The following CEP85L variants were observed in gnomAD, a reference collection of about 807,000 sequenced individuals.
CEP85L encodes the protein centrosomal protein 85L.
CEP85L carries 60 observed loss-of-function variants against 100.3 expected under a neutral mutation model. The observed-to-expected ratio is 0.60, with a 90% CI of 0.49 to 0.74. The LOEUF is 0.74. Ranked by LOEUF, CEP85L falls within the 30% of genes least tolerant of loss-of-function variation. The probability of loss-of-function intolerance (pLI) is 0.00; values close to 1 mark genes in which losing one functional copy is unlikely to be tolerated. For missense variants in CEP85L, 973 were observed against 936.2 expected, an observed-to-expected ratio of 1.04 and a Z score of -0.51; for synonymous variants, 319 against 322.7, an observed-to-expected ratio of 0.99 and a Z score of 0.12.
chr6:118,501,862 C>G, intron 5 of CEP85L: 1 of 1,294,568 alleles, frequency 7.7e-7, no homozygotes, highest in South Asian at 1.3e-5. Flanking sequence ...CACAAGCCTT[C>G]AAGAGTCCCA....
chr6:118,491,209 AC>A, intron 6 of CEP85L, among the ~76,000 whole-genome samples: 1 of 128,506 alleles, frequency 7.8e-6, no homozygotes, highest in Admixed American at 7.2e-5. Context: ...ACACACACAC[AC>A]ACACACACAC....
intron 2 of CEP85L, among the ~76,000 whole-genome samples, chr6:118,595,492 C>G (rs561597321): frequency 6.6e-6 from 1 of 152,268 alleles, no homozygotes; most frequent in African/African-American, 2.4e-5. Flanking sequence ...TAATCCTCTC[C>G]TCCATGTTTA....
chr6:118,557,537 C>CA (rs1486584385), intron 3 of CEP85L, among the ~76,000 whole-genome samples: 1 of 152,110 alleles, frequency 6.6e-6, no homozygotes, highest in African/African-American at 2.4e-5. Context: ...AAACAGTGCA[C>CA]ATTAGGTTCA....
chr6:118,484,052 G>A (rs1582885495), intron 6 of CEP85L, among the ~76,000 whole-genome samples, 194 bp from the exon 7 acceptor site: 1 of 152,330 alleles, frequency 6.6e-6, no homozygotes, highest in East Asian at 1.9e-4. Context: ...GCTCATGCCT[G>A]TAATCCCAGC....
At chr6:118,617,000 C>G (rs1027248655) in intron 2 of CEP85L, among the ~76,000 whole-genome samples, 1 of 149,350 alleles carries the variant, frequency 6.7e-6, no homozygotes, top group Non-Finnish European at 1.5e-5. Flanking sequence ...GAGTTCAAGA[C>G]CAGCCTGGGC....
chr6:118,494,446 G>A (rs1301083817), intron 5 of CEP85L, among the ~76,000 whole-genome samples: 1 of 152,146 alleles, frequency 6.6e-6, no homozygotes, highest in Admixed American at 6.6e-5. Flanking sequence ...AGAGCTTAAC[G>A]TAGTTGGGGT....
At chr6:118,481,602 A>C (rs1228539837) in intron 8 of CEP85L, among the ~76,000 whole-genome samples, 177 bp downstream of exon 8, 1 of 152,152 alleles carries the variant, frequency 6.6e-6, no homozygotes, top group Non-Finnish European at 1.5e-5. Context: ...CAAAAGCTGA[A>C]AAAAATCTTA....
chr6:118,651,605 C>A, upstream of CEP85L: 1 of 1,034,626 alleles, frequency 9.7e-7, no homozygotes, highest in Non-Finnish European at 1.2e-6. Context: ...CCCCCTCCGC[C>A]GGCAGAGCCA....
chr6:118,545,311 T>C (rs937353679), intron 3 of CEP85L, among the ~76,000 whole-genome samples: 7 of 152,116 alleles, frequency 4.6e-5, no homozygotes, highest in African/African-American at 1.7e-4. Flanking sequence ...GTAATATAGC[T>C]GGGCGCGGTG....
At chr6:118,638,285 CA>C (rs994810596) in intron 1 of CEP85L, among the ~76,000 whole-genome samples, 1 of 151,416 alleles carries the variant, frequency 6.6e-6, no homozygotes, top group Non-Finnish European at 1.5e-5. Context: ...AACCTTTAAA[CA>C]TAACTATGTC....
intron 2 of CEP85L, among the ~76,000 whole-genome samples, chr6:118,596,791 T>C (rs1781478899): frequency 6.6e-6 from 1 of 152,264 alleles, no homozygotes; most frequent in Admixed American, 6.5e-5. Context: ...TCCTGTTATT[T>C]ATTGTAAGTC....
chr6:118,558,853 A>G (rs1224853114), intron 3 of CEP85L: 2 of 1,121,940 alleles, frequency 1.8e-6, no homozygotes, highest in Middle Eastern at 1.9e-4. Context: ...GTTATCTCAT[A>G]TTTGGCTGCC....
Position 118,527,002 on chromosome 6 carries a change from C to CTTTTTTTTTTTTTTTT in CEP85L, c.1021-3098_1021-3083dup, listed in dbSNP as rs764883723. On this transcript the variant is annotated intron_variant, in intron 3 of 12. Transcript: ENST00000368491. ...CCACTGTTTCATTCCTTTACTTTTT[C>CTTTTTTTTTTTTTTTT]TTTTTTTTTTTTTTTTTTTTTTTTT... Among the ~76,000 whole-genome samples the CTTTTTTTTTTTTTTTT allele has an allele frequency of 1.3e-4, 13 of 98,732 alleles. 1 individual carries two copies. The highest frequency in any genetic ancestry group is 4.2e-4 in the South Asian group (1 of 2,408). 64.8% of individuals were successfully genotyped at this position (98,732 alleles called of 152,430 possible). A position where few individuals can be genotyped will look rare whatever the true frequency, so the allele number is the denominator to read the frequency against.
chr6:118,599,618 A>G lies in CEP85L; in HGVS notation c.232+32835T>C, dbSNP rs556606136. 3.3e-5 allele frequency among the ~76,000 whole-genome samples: 5 copies of G among 152,318 alleles called. No individual in the cohort carries two copies. In the South Asian group the frequency reaches 8.3e-4, roughly 25 times the overall value. Reference sequence around the variant, plus strand: ...CAAAAAATAGAGTATGATTTTAAAAAATAATAGAAATGGTAAAATACTGTT... The same window carrying G: ...CAAAAAATAGAGTATGATTTTAAAAGATAATAGAAATGGTAAAATACTGTT... On this transcript the variant is annotated intron_variant, in intron 2 of 12. Transcript: ENST00000368491.
At chr6:118,704,433 C>T (rs1272906470) in intron 1 of CEP85L, among the ~76,000 whole-genome samples, 6 of 152,104 alleles carry the variant, frequency 3.9e-5, no homozygotes, top group Admixed American at 2.0e-4. Flanking sequence ...CCTGGTGTGA[C>T]CTCACACACC....
At chr6:118,500,755 C>T (rs532702001) in intron 5 of CEP85L, among the ~76,000 whole-genome samples, 19 of 152,200 alleles carry the variant, frequency 1.2e-4, no homozygotes, top group Non-Finnish European at 2.6e-4. Flanking sequence ...CAACAAGCTA[C>T]AATTGCACAT....
intron 10 of CEP85L, among the ~76,000 whole-genome samples, chr6:118,473,035 T>A (rs979955336): frequency 3.3e-5 from 5 of 152,344 alleles, no homozygotes; most frequent in Non-Finnish European, 7.3e-5. Context: ...TAAAAGGAAC[T>A]ATTTTGAAAG....
chr6:118,519,485 GTT>G (rs1562223016), intron 4 of CEP85L, among the ~76,000 whole-genome samples: 8 of 64,068 alleles, frequency 1.2e-4, no homozygotes, highest in Non-Finnish European at 1.9e-4. Flanking sequence ...GCGGGGGGGG[GTT>G]GTGAAACTCC....
At chr6:118,531,408 C>T (rs745785861) in intron 3 of CEP85L, among the ~76,000 whole-genome samples, 1 of 151,942 alleles carries the variant, frequency 6.6e-6, no homozygotes, top group African/African-American at 2.4e-5. Flanking sequence ...CTATAAAAAC[C>T]CTGGAGAATA....
Sources: gnomAD v4.1 joint callset for allele counts (sites outside exome capture counted in the v4.1 genomes callset) on GRCh38, gnomAD v4.1.1 for gene constraint, MANE v1.5 for transcripts, NCBI Gene and HGNC (gene_info 2026-07-23, HGNC 2026-07-21) for gene names.